Variants in OSBPL5 observed in about 807,000 individuals in gnomAD.
OSBPL5 encodes oxysterol binding protein like 5, also known as oxysterol-binding protein-related protein 5.
OSBPL5 carries 71 observed loss-of-function variants against 111.2 expected under a neutral mutation model. The observed-to-expected ratio is 0.64, with a 90% confidence interval of 0.53 to 0.78. The LOEUF (loss-of-function observed/expected upper bound fraction) is 0.78. Among genes scored for constraint, OSBPL5 ranks in the 30% least tolerant of loss-of-function variants. The pLI, the probability that OSBPL5 is intolerant of heterozygous loss-of-function variation, is 0.00. For missense variants in OSBPL5, 1,210 were observed against 1,189.3 expected, an observed-to-expected ratio of 1.02 and a Z score of -0.26; for synonymous variants, 549 against 513.9, an observed-to-expected ratio of 1.07 and a Z score of -0.93.
Position 3,095,143 on chromosome 11 carries a change from T to C in OSBPL5, c.1622-809A>G, listed in dbSNP as rs936404834. Among the ~76,000 whole-genome samples the C allele has an allele frequency of 2.1e-5, 3 of 139,632 alleles. No homozygotes were observed. The East Asian group carries it at 5.8e-4, about 27-fold the overall frequency. 91.6% of individuals were successfully genotyped at this position (139,632 alleles called of 152,430 possible). A position where few individuals can be genotyped will look rare whatever the true frequency, so the allele number is the denominator to read the frequency against. On this transcript the variant is annotated intron_variant, in intron 14 of 21. Transcript: ENST00000263650. The stretch of plus-strand genomic sequence containing the variant: ...AGTGCACCCTGGCCCATGAGCACGA[T>C]GGAAAGCTATGCAGCCTAGAAAGAC...
At position 3,101,686 on chromosome 11, in the gene OSBPL5, G is replaced by A. The variant is rs750856165; in HGVS notation, c.1439C>T (p.Pro480Leu). The stretch of plus-strand genomic sequence containing the variant: ...GCTGACGTGGAAGGCAGACACGGGC[G>A]GGTGGTGGGACACCTGCGTGCAGGG... ...FYIAEQVSHH[P>L]PVSAFHVSNR... Residue 480 changes from proline to leucine, a missense_variant, in exon 13 of 22, where the codon CCG (proline) becomes CTG (leucine). Physicochemically the swap from Pro to Leu is moderately conservative, Grantham distance 98 (BLOSUM62 -3). Coordinates refer to ENST00000263650, the MANE Select transcript of OSBPL5 (RefSeq NM_020896.4). 5 of 1,613,614 alleles carry A rather than the reference G, an allele frequency of 3.1e-6. No individual in the cohort carries two copies. Among genetic ancestry groups the A allele is most frequent in the South Asian group, 1.1e-5 (1 of 91,082 alleles).
At position 3,092,303 on chromosome 11, in the gene OSBPL5, G is replaced by T. The variant is rs1332746979; in HGVS notation, c.2259+129C>A. The T allele has an allele frequency of 3.1e-6, 4 of 1,282,432 alleles. No individual in the cohort carries two copies. The highest frequency in any genetic ancestry group is 1.5e-5 in the African/African-American group (1 of 66,554). The allele number at this position is 1,282,432 out of a possible 1,614,324, so 79.4% of individuals were successfully genotyped here. ...TCGGCAGAGAAGGAAAGGGGACGAGGGGGCTGGGGGATGAGGGCGTGAGGG... is the reference window on the plus strand; with the variant it reads ...TCGGCAGAGAAGGAAAGGGGACGAGTGGGCTGGGGGATGAGGGCGTGAGGG... On this transcript the variant is annotated intron_variant, in intron 19 of 21. Coordinates refer to ENST00000263650, the MANE Select transcript of OSBPL5 (RefSeq NM_020896.4). This position sits in a 1 kb window ranked among gnomAD's most constrained non-coding sequence, Gnocchi z 5.4.
rs943267631 is a variant in OSBPL5 at position 3,109,731 on chromosome 11, G to A, written c.692-1786C>T. On this transcript the variant is annotated intron_variant, in intron 7 of 21. Coordinates refer to ENST00000263650, the MANE Select transcript of OSBPL5 (RefSeq NM_020896.4). This position sits in a 1 kb window ranked among gnomAD's most constrained non-coding sequence, Gnocchi z 7.4. ...CCAGGGTTGGGGGAGGGATGGCAGT[G>A]GATGGTGGTGGGGAGCTGGAGGGGT... is the stretch of plus-strand genomic sequence containing the variant. Among the ~76,000 whole-genome samples, 6 of 152,160 alleles carry A rather than the reference G, an allele frequency of 3.9e-5. No individual in the cohort carries two copies. The highest frequency in any genetic ancestry group is 1.4e-4 in the African/African-American group (6 of 41,426).
Position 3,154,489 on chromosome 11 carries a change from G to T in OSBPL5, c.-22+10727C>A, listed in dbSNP as rs1431514362. ...CTCGCCCAGGTTCCAGCTGAGCCAGGCCTCTTGGGAAGGCGTAAAACAGTC... is the reference window on the plus strand; with the variant it reads ...CTCGCCCAGGTTCCAGCTGAGCCAGTCCTCTTGGGAAGGCGTAAAACAGTC... On this transcript the variant is annotated intron_variant, in intron 1 of 21. Coordinates refer to ENST00000263650, the MANE Select transcript of OSBPL5 (RefSeq NM_020896.4). This position sits in a 1 kb window ranked among gnomAD's most constrained non-coding sequence, Gnocchi z 4.9. Among the ~76,000 whole-genome samples, 2 of 152,222 alleles carry T rather than the reference G, an allele frequency of 1.3e-5. No individual in the cohort carries two copies. Among genetic ancestry groups the T allele is most frequent in the Non-Finnish European group, 2.9e-5 (2 of 68,040 alleles).
intron 7 of OSBPL5, among the ~76,000 whole-genome samples, chr11:3,111,721 C>T (rs1173899219): frequency 6.8e-6 from 1 of 146,020 alleles, no homozygotes; most frequent in East Asian, 1.9e-4. Context: ...AGAAAAACGG[C>T]CAGCAAAAGG....
At position 3,122,359 on chromosome 11, in the gene OSBPL5, C is replaced by A. The variant is rs1564843961; in HGVS notation, c.289G>T (p.Glu97Ter). 6.2e-7 allele frequency: 1 copy of A among 1,613,634 alleles called. No homozygotes were observed. The highest frequency in any genetic ancestry group is 1.7e-5 in the Admixed American group (1 of 59,998). The change falls in exon 4 of 22, where the codon GAG becomes TAG. Residue 97 changes from glutamate (E) to a stop codon, truncating the protein, a stop_gained. Coordinates refer to ENST00000263650, the MANE Select transcript of OSBPL5 (RefSeq NM_020896.4). LOFTEE classifies it high-confidence loss of function. ...VSPTARVTKKETLKAQKENYR... is the reference protein window; with the variant it reads ...VSPTARVTKK ...GGGCCCGGGCTCACCTTGAGAGTCT[C>A]CTTCTTGGTGACCCTGGCGGTGGGG...
chr11:3,090,998 C>A (rs1262779922), intron 19 of OSBPL5, among the ~76,000 whole-genome samples: 1 of 152,206 alleles, frequency 6.6e-6, no homozygotes, highest in Non-Finnish European at 1.5e-5. Flanking sequence ...GGCGTTGCAT[C>A]CAATAAATGC....
intron 1 of OSBPL5, among the ~76,000 whole-genome samples, chr11:3,148,010 G>A (rs140573767): frequency 4.2e-4 from 64 of 152,262 alleles, no homozygotes; most frequent in African/African-American, 1.3e-3. Context: ...CTCATCCTCC[G>A]CACGCCCCCG....
chr11:3,092,678 C>G lies in OSBPL5; in HGVS notation c.2133-120G>C. On this transcript the variant is annotated intron_variant, in intron 18 of 21. Coordinates refer to ENST00000263650, the MANE Select transcript of OSBPL5 (RefSeq NM_020896.4). This position sits in a 1 kb window ranked among gnomAD's most constrained non-coding sequence, Gnocchi z 5.4. ...AGACCTCCAGGAGAATGACCACTGC[C>G]CACACCCCATGGGCAGGGCCTGCAG... The G allele has an allele frequency of 1.4e-6, 2 of 1,389,248 alleles. No homozygotes were observed. The highest frequency in any genetic ancestry group is 1.9e-6 in the Non-Finnish European group (2 of 1,042,088). 86.1% of individuals were successfully genotyped at this position (1,389,248 alleles called of 1,614,324 possible). A position where few individuals can be genotyped will look rare whatever the true frequency, so the allele number is the denominator to read the frequency against.
rs1352739201 is a variant in OSBPL5 at position 3,121,939 on chromosome 11, T to G, written c.402+58A>C. 6.9e-7 allele frequency: 1 copy of G among 1,457,266 alleles called. No individual in the cohort carries two copies. Among genetic ancestry groups the G allele is most frequent in the African/African-American group, 1.4e-5 (1 of 71,558 alleles). The allele number at this position is 1,457,266 out of a possible 1,614,324, so 90.3% of individuals were successfully genotyped here. On this transcript the variant is annotated intron_variant, in intron 5 of 21. Coordinates refer to ENST00000263650, the MANE Select transcript of OSBPL5 (RefSeq NM_020896.4). The surrounding 1 kb of genome is among the most constrained non-coding windows in gnomAD (Gnocchi z 4.3). ...AGGCCACCTGGTTTATGGTCCTTTG[T>G]TATGGCAGCAGCACGCTGACCCGTG...
At chr11:3,156,739 G>A (rs1182935563) in intron 1 of OSBPL5, among the ~76,000 whole-genome samples, 1 of 152,226 alleles carries the variant, frequency 6.6e-6, no homozygotes, top group Non-Finnish European at 1.5e-5. Context: ...GGCGTGATAG[G>A]AGGCGGCCCC....
At chr11:3,114,900 C>A (rs550128705) in intron 7 of OSBPL5, among the ~76,000 whole-genome samples, 105 of 152,156 alleles carry the variant, frequency 6.9e-4, no homozygotes, top group African/African-American at 2.4e-3. Flanking sequence ...CCGCACCTGG[C>A]CGACATTTTC....
rs546513203 is a variant in OSBPL5 at position 3,102,983 on chromosome 11, G to A, written c.1326+256C>T. ...GCTGTTTTCTTGGGGGGTGGGGAAG[G>A]GGTCCAGCTTGGGGCCTTGAGGGAT... On this transcript the variant is annotated intron_variant, in intron 11 of 21. Transcript: ENST00000263650. 2.0e-5 allele frequency among the ~76,000 whole-genome samples: 3 copies of A among 152,290 alleles called. No homozygotes were observed. In the South Asian group the frequency reaches 6.2e-4, roughly 32 times the overall value.
chr11:3,103,835 C>T lies in OSBPL5; in HGVS notation c.1244+358G>A, dbSNP rs1300220773. ...TCCTGCCTGCGCAGCCCCCTTCCAG[C>T]CTCTGCAGCCCCTTTCCAGTCTGCG... On this transcript the variant is annotated intron_variant, in intron 10 of 21. Transcript: ENST00000263650. Among the ~76,000 whole-genome samples, 232 of 92,482 alleles carry T rather than the reference C, an allele frequency of 2.5e-3. 1 individual carries two copies. Among genetic ancestry groups the T allele is most frequent in the African/African-American group, 6.4e-3 (163 of 25,622 alleles). The allele number at this position is 92,482 out of a possible 152,430, so 60.7% of individuals were successfully genotyped here.
At position 3,112,015 on chromosome 11, in the gene OSBPL5, A is replaced by G. The variant is rs1249212961; in HGVS notation, c.692-4070T>C. On this transcript the variant is annotated intron_variant, in intron 7 of 21. Transcript: ENST00000263650. ...TGTGCATGTGTGTGTGTGTGCGCGC[A>G]TGTGTGTGCATGTGTGTGTATGTGT... is the stretch of plus-strand genomic sequence containing the variant. Among the ~76,000 whole-genome samples the G allele has an allele frequency of 1.3e-4, 10 of 79,180 alleles. No individual in the cohort carries two copies. In the East Asian group the frequency reaches 1.8e-3, roughly 14 times the overall value. 51.9% of individuals were successfully genotyped at this position (79,180 alleles called of 152,430 possible).
intron 1 of OSBPL5, among the ~76,000 whole-genome samples, chr11:3,160,206 C>G (rs1846913430): frequency 6.6e-6 from 1 of 152,198 alleles, no homozygotes; most frequent in East Asian, 1.9e-4. Context: ...GTTCCTGCCC[C>G]ACGGGCCAGC....
At chr11:3,144,044 CCACT>C (rs1185705457) in intron 1 of OSBPL5, among the ~76,000 whole-genome samples, 1 of 152,130 alleles carries the variant, frequency 6.6e-6, no homozygotes, top group Non-Finnish European at 1.5e-5. Context: ...GCTCCAGCAC[CCACT>C]GAGCCCGGCA....
chr11:3,149,569 GGCA>G (rs1564864343), intron 1 of OSBPL5, among the ~76,000 whole-genome samples: 2 of 152,218 alleles, frequency 1.3e-5, no homozygotes, highest in Admixed American at 1.3e-4. Context: ...TTATGCGTCA[GGCA>G]GCAGCAGCAG....
At chr11:3,098,495 A>ATTTTTTTTTT (rs552382553) in intron 14 of OSBPL5, among the ~76,000 whole-genome samples, 3,654 of 81,156 alleles carry the variant, frequency 0.045, 343 homozygotes, top group African/African-American at 0.083. Flanking sequence ...ACATGAAGGA[A>ATTTTTTTTTT]TTTTTTTTTT....
Sources: allele counts gnomAD v4.1 joint callset (sites outside exome capture counted in the v4.1 genomes callset), GRCh38; gene constraint gnomAD v4.1.1; non-coding constraint Gnocchi (gnomAD v3.1); transcripts MANE v1.5; gene names NCBI Gene and HGNC (gene_info 2026-07-23, HGNC 2026-07-21).